GULP1: variants seen among roughly 807,000 people sequenced by gnomAD.
GULP1 encodes the protein PTB domain-containing engulfment adapter protein 1.
Under a neutral mutation model 40.9 loss-of-function variants are expected in GULP1, and 19 were observed. That is an observed-to-expected ratio of 0.46 (90% CI 0.32 to 0.68). The LOEUF is 0.68. GULP1 is among the 30% of genes least tolerant of loss of function. The pLI, the probability that GULP1 is intolerant of heterozygous loss-of-function variation, is 0.03. For synonymous variants in GULP1, 119 were observed against 117.6 expected (o/e 1.01, Z -0.08); for missense variants, 312 against 362.2 (o/e 0.86, Z 1.12).
At chr2:188,469,071 G>T (rs1279154558) in intron 2 of GULP1, among the ~76,000 whole-genome samples, 1 of 152,170 alleles carries the variant, frequency 6.6e-6, no homozygotes, top group South Asian at 2.1e-4. Context: ...AAGGGTTGAG[G>T]CTGCTGAGGC....
intron 8 of GULP1, 110 bp from the exon 9 acceptor site, chr2:188,569,918 A>G: frequency 5.5e-6 from 3 of 546,242 alleles, no homozygotes; most frequent in South Asian, 5.3e-5. Context: ...CCCCACGCAC[A>G]ACAAAGTACA....
chr2:188,296,016 T>TA (rs1319753637), intron 1 of GULP1, among the ~76,000 whole-genome samples: 2 of 152,038 alleles, frequency 1.3e-5, no homozygotes, highest in African/African-American at 4.8e-5. Context: ...CTCTAAAGAA[T>TA]AAAAAAAGTT....
intron 1 of GULP1, among the ~76,000 whole-genome samples, chr2:188,362,175 A>T (rs2046185242): frequency 6.6e-6 from 1 of 152,102 alleles, no homozygotes; most frequent in African/African-American, 2.4e-5. Context: ...TTTTCTGAGC[A>T]CATTACAAAC....
intron 10 of GULP1, 148 bp from the exon 11 acceptor site, chr2:188,587,707 T>C: frequency 1.8e-6 from 1 of 554,138 alleles, no homozygotes; most frequent in South Asian, 2.9e-5. Flanking sequence ...TGGTCTAAGG[T>C]CAGGAAAGCC....
At chr2:188,407,345 C>T (rs1290992667) in intron 2 of GULP1, among the ~76,000 whole-genome samples, 1 of 152,106 alleles carries the variant, frequency 6.6e-6, no homozygotes, top group African/African-American at 2.4e-5. Flanking sequence ...AATACACAGT[C>T]TAATTCAGAA....
intron 2 of GULP1, among the ~76,000 whole-genome samples, chr2:188,461,804 C>T (rs112392794): frequency 6.6e-6 from 1 of 152,008 alleles, no homozygotes; most frequent in Non-Finnish European, 1.5e-5. Flanking sequence ...TTTTTCATCT[C>T]TGCTTTTATT....
chr2:188,516,305 A>G lies in GULP1; in HGVS notation c.91-6451A>G, dbSNP rs190385254. ...AATTATCATTTCCCTCAGAATTTGAAGTTACTTTCTTCCATTATTGCTGAT... is the reference window on the plus strand; with the variant it reads ...AATTATCATTTCCCTCAGAATTTGAGGTTACTTTCTTCCATTATTGCTGAT... On this transcript the variant is annotated intron_variant, in intron 4 of 11. Coordinates refer to ENST00000409830, the MANE Select transcript of GULP1 (RefSeq NM_016315.4). Among the ~76,000 whole-genome samples, 105 of 152,256 alleles carry G rather than the reference A, an allele frequency of 6.9e-4. 1 individual carries two copies. The highest frequency in any genetic ancestry group is 2.4e-3 in the African/African-American group (101 of 41,552).
At chr2:188,323,276 C>T (rs562498995) in intron 1 of GULP1, among the ~76,000 whole-genome samples, 1 of 151,924 alleles carries the variant, frequency 6.6e-6, no homozygotes, top group East Asian at 1.9e-4. Context: ...TTGTATTTTA[C>T]TGTGTTGTAG....
chr2:188,541,294 C>G lies in GULP1; in HGVS notation c.375C>G (p.Cys125Trp). Residue 125 changes from cysteine to tryptophan, a missense_variant, in exon 7 of 12, where the codon TGC (cysteine) becomes TGG (tryptophan). Physicochemically the swap from Cys to Trp is radical, Grantham distance 215. Transcript: ENST00000409830. ...CKDSESNKHL[C>W]YVFDSEKCAE... The stretch of plus-strand genomic sequence containing the variant: ...ATTCTGAGTCAAATAAACATTTGTG[C>G]TATGTATTTGACAGCGAAAAGTGTG... The G allele has an allele frequency of 6.2e-7, 1 of 1,612,472 alleles. No homozygotes were observed. The highest frequency in any genetic ancestry group is 8.5e-7 in the Non-Finnish European group (1 of 1,178,628).
chr2:188,403,951 A>G (rs957188476), intron 2 of GULP1, among the ~76,000 whole-genome samples: 20 of 152,096 alleles, frequency 1.3e-4, no homozygotes, highest in African/African-American at 4.6e-4. Context: ...TGATCTGGGA[A>G]CTCATTTCCA....
intron 2 of GULP1, among the ~76,000 whole-genome samples, chr2:188,398,026 C>A (rs1386216678): frequency 6.6e-6 from 1 of 152,172 alleles, no homozygotes; most frequent in Non-Finnish European, 1.5e-5. Context: ...AATTTAGGAT[C>A]TTTAGATGCC....
intron 2 of GULP1, among the ~76,000 whole-genome samples, chr2:188,445,065 T>C (rs566130905): frequency 1.4e-3 from 206 of 152,290 alleles, no homozygotes; most frequent in African/African-American, 4.6e-3. Flanking sequence ...ACGAAAAGGT[T>C]CCTAGTTTAT....
chr2:188,309,721 G>T (rs1046969323), intron 1 of GULP1, among the ~76,000 whole-genome samples: 1 of 152,174 alleles, frequency 6.6e-6, no homozygotes, highest in African/African-American at 2.4e-5. Flanking sequence ...AATTTAAATT[G>T]AGTGATCAAT....
At chr2:188,583,651 T>C (rs771569843) in intron 9 of GULP1, among the ~76,000 whole-genome samples, 6 of 152,178 alleles carry the variant, frequency 3.9e-5, no homozygotes, top group Non-Finnish European at 7.4e-5. Context: ...TGGCGATTAT[T>C]AATTTAGTTT....
chr2:188,443,676 A>G (rs1030902029), intron 2 of GULP1, among the ~76,000 whole-genome samples: 1 of 151,792 alleles, frequency 6.6e-6, no homozygotes, highest in African/African-American at 2.4e-5. Flanking sequence ...AAACTGAAAA[A>G]ATGAATTTCT....
At chr2:188,567,182 G>T (rs1420633229) in intron 7 of GULP1, among the ~76,000 whole-genome samples, 1 of 152,190 alleles carries the variant, frequency 6.6e-6, no homozygotes, top group East Asian at 1.9e-4. Context: ...CACTGTTGGT[G>T]GGGATGTAAA....
chr2:188,417,811 G>C (rs983783644), intron 2 of GULP1, among the ~76,000 whole-genome samples: 1 of 151,806 alleles, frequency 6.6e-6, no homozygotes, highest in African/African-American at 2.4e-5. Context: ...TTTATTTTTT[G>C]AAACAGAGTC....
At chr2:188,569,913 C>G in intron 8 of GULP1, 115 bp from the exon 9 acceptor site, 1 of 533,272 alleles carries the variant, frequency 1.9e-6, no homozygotes, top group Non-Finnish European at 3.3e-6. Context: ...TTTCTCCCCA[C>G]GCACAACAAA....
At chr2:188,518,751 G>T (rs1411073496) in intron 4 of GULP1, among the ~76,000 whole-genome samples, 1 of 152,128 alleles carries the variant, frequency 6.6e-6, no homozygotes, top group Non-Finnish European at 1.5e-5. Flanking sequence ...TTTGATAAGG[G>T]AATGGCAATC....
Sources: allele counts gnomAD v4.1 joint callset (sites outside exome capture counted in the v4.1 genomes callset), GRCh38; gene constraint gnomAD v4.1.1; transcripts MANE v1.5; gene names NCBI Gene and HGNC (gene_info 2026-07-23, HGNC 2026-07-21).